EVI5: variants seen among roughly 807,000 people sequenced by gnomAD.
EVI5 encodes the protein ecotropic viral integration site 5 protein homolog.
In EVI5, 73 loss-of-function variants were observed where a neutral mutation model predicts 112.0. That is an observed-to-expected ratio of 0.65 (90% CI 0.54 to 0.79). EVI5 has a LOEUF of 0.79. EVI5 is among the 30% of genes least tolerant of loss of function. The pLI, the probability that EVI5 is intolerant of heterozygous loss-of-function variation, is 0.00. For missense variants in EVI5, 900 were observed against 968.8 expected, an observed-to-expected ratio of 0.93 and a Z score of 0.94; for synonymous variants, 305 against 319.9, an observed-to-expected ratio of 0.95 and a Z score of 0.50.
chr1:92,521,049 C>T (rs1462169985), intron 19 of EVI5, among the ~76,000 whole-genome samples: 2 of 151,308 alleles, frequency 1.3e-5, no homozygotes, highest in Admixed American at 1.3e-4. Flanking sequence ...GCAGACTCTA[C>T]CTCCCAGGCT....
chr1:92,520,117 C>T (rs1660652192), intron 19 of EVI5, among the ~76,000 whole-genome samples: 1 of 151,630 alleles, frequency 6.6e-6, no homozygotes, highest in Non-Finnish European at 1.5e-5. Flanking sequence ...CATATAGTTG[C>T]AAAACTATGC....
rs575300608 is a variant in EVI5, at chr1:92,633,316, T to C, written c.1527+2886A>G. Among the ~76,000 whole-genome samples the C allele has an allele frequency of 2.2e-4, 34 of 152,340 alleles. No individual in the cohort carries two copies. The East Asian group carries it at 6.0e-3, about 27-fold the overall frequency. On this transcript the variant is annotated intron_variant, in intron 14 of 19. Coordinates refer to ENST00000684568, the MANE Select transcript of EVI5 (RefSeq NM_001350197.2). ...TTATTGTGTGGGAGTCTAAGTCTCT[T>C]TGTAGCTCTCTAAGGACTTGCTTTA...
chr1:92,713,968 A>T, intron 2 of EVI5: 1 of 930,836 alleles, frequency 1.1e-6, no homozygotes, highest in Non-Finnish European at 1.3e-6. Context: ...CCTTAATTAA[A>T]ATGCAATCCT....
chr1:92,749,066 CAA>C (rs60282362), intron 1 of EVI5: 1,329 of 104,376 alleles, frequency 0.013, 5 homozygotes, highest in East Asian at 0.054. Flanking sequence ...AACTCTGTCT[CAA>C]AAAAAAAAAA....
chr1:92,607,874 A>G (rs540519226), intron 16 of EVI5, 147 bp from the exon 17 acceptor site: 1 of 570,026 alleles, frequency 1.8e-6, no homozygotes, highest in South Asian at 2.7e-5. Flanking sequence ...ATTAAAAAAT[A>G]AGATAAAACT....
At chr1:92,760,166 T>A (rs1035793856) in intron 1 of EVI5, among the ~76,000 whole-genome samples, 4 of 152,150 alleles carry the variant, frequency 2.6e-5, no homozygotes, top group Non-Finnish European at 5.9e-5. Context: ...AAATTAATTT[T>A]TGGAGAGTCC....
rs536105191 is a variant in EVI5, at chr1:92,742,301, C to G, written c.-81-5674G>C. ...TCTTGAACTCCTGGCCTCAAGCAAT[C>G]CTCCTGCTTCAGCCTCCTGAGTAGC... On this transcript the variant is annotated intron_variant, in intron 1 of 19. Transcript: ENST00000684568. 1.3e-3 allele frequency among the ~76,000 whole-genome samples: 197 copies of G among 152,168 alleles called. 1 individual carries two copies. Among genetic ancestry groups the G allele is most frequent in the African/African-American group, 4.6e-3 (191 of 41,548 alleles).
chr1:92,721,927 A>G (rs2102701685), intron 2 of EVI5, among the ~76,000 whole-genome samples: 1 of 152,322 alleles, frequency 6.6e-6, no homozygotes, highest in African/African-American at 2.4e-5. Flanking sequence ...TCTTTACTGG[A>G]AACTACTTCA....
At chr1:92,539,271 A>G (rs1331001981) in intron 19 of EVI5, among the ~76,000 whole-genome samples, 1 of 152,186 alleles carries the variant, frequency 6.6e-6, no homozygotes, top group African/African-American at 2.4e-5. Context: ...GGCCGGGCGC[A>G]GTGGCTCACG....
At chr1:92,716,553 C>T (rs531362064) in intron 2 of EVI5, among the ~76,000 whole-genome samples, 28 of 152,328 alleles carry the variant, frequency 1.8e-4, no homozygotes, top group African/African-American at 6.0e-4. Context: ...AAAACCAGAG[C>T]GCCTCTTTCC....
intron 1 of EVI5, among the ~76,000 whole-genome samples, chr1:92,772,900 C>T (rs1238897921): frequency 5.5e-5 from 5 of 91,618 alleles, no homozygotes; most frequent in African/African-American, 1.8e-4. Context: ...GAGAGAAACC[C>T]CATCTTAAAA....
upstream of EVI5, among the ~76,000 whole-genome samples, chr1:92,787,447 C>T (rs1535372): frequency 0.59 from 90,296 of 152,022 alleles, 27,956 homozygotes; most frequent in East Asian, 0.93. Context: ...GAGAGGAAGA[C>T]TGAGCCAAGC....
At chr1:92,627,394 C>T (rs1413276612) in intron 14 of EVI5, among the ~76,000 whole-genome samples, 1 of 152,158 alleles carries the variant, frequency 6.6e-6, no homozygotes, top group Non-Finnish European at 1.5e-5. Context: ...CATATATACA[C>T]CACAGTTTCT....
intron 13 of EVI5, among the ~76,000 whole-genome samples, chr1:92,648,868 T>C (rs1661528765): frequency 1.3e-5 from 2 of 152,244 alleles, no homozygotes; most frequent in African/African-American, 4.8e-5. Context: ...AAGCATTCTC[T>C]TATTTGCGGT....
intron 13 of EVI5, among the ~76,000 whole-genome samples, chr1:92,660,963 A>G (rs1663897350): frequency 6.6e-6 from 1 of 152,084 alleles, no homozygotes; most frequent in Admixed American, 6.5e-5. Context: ...GTTAATTTTA[A>G]AAGTGAAAGA....
chr1:92,522,753 AAAAC>A (rs1368352347), intron 19 of EVI5, among the ~76,000 whole-genome samples: 1 of 152,040 alleles, frequency 6.6e-6, no homozygotes, highest in East Asian at 1.9e-4. Flanking sequence ...TAAAAAGTTT[AAAAC>A]ATTCATTCAT....
intron 2 of EVI5, among the ~76,000 whole-genome samples, chr1:92,734,614 T>A (rs192881659): frequency 5.6e-4 from 85 of 152,306 alleles, no homozygotes; most frequent in African/African-American, 1.9e-3. Flanking sequence ...CTAATTGTCA[T>A]GGACATGTAT....
Position 92,755,348 on chromosome 1 carries a change from T to C in EVI5, c.-81-18721A>G, listed in dbSNP as rs191793908. ...ATCACTTGAACCCAGGAGGCAGATA[T>C]TGCAGTGAGCCAAGATCACACCACT... On this transcript the variant is annotated intron_variant, in intron 1 of 19. Coordinates refer to ENST00000684568, the MANE Select transcript of EVI5 (RefSeq NM_001350197.2). 2.3e-3 allele frequency among the ~76,000 whole-genome samples: 354 copies of C among 152,134 alleles called. 1 individual carries two copies. The highest frequency in any genetic ancestry group is 8.2e-3 in the African/African-American group (339 of 41,490).
At chr1:92,747,635 AC>A (rs1392237378) in intron 1 of EVI5, among the ~76,000 whole-genome samples, 2 of 138,606 alleles carry the variant, frequency 1.4e-5, no homozygotes, top group Non-Finnish European at 3.0e-5. Flanking sequence ...AATTGTTTGA[AC>A]CCGGAAGGCG....
Sources: gnomAD v4.1 joint callset for allele counts (sites outside exome capture counted in the v4.1 genomes callset) on GRCh38, gnomAD v4.1.1 for gene constraint, MANE v1.5 for transcripts, NCBI Gene and HGNC (gene_info 2026-07-23, HGNC 2026-07-21) for gene names.